Variants in SELENOI observed in about 807,000 individuals in gnomAD.
The protein encoded by SELENOI is ethanolaminephosphotransferase 1.
In SELENOI, 24 loss-of-function variants were observed where a neutral mutation model predicts 50.7. The ratio of observed to expected loss-of-function variants is 0.47; its 90% CI spans 0.34 to 0.67. SELENOI has a LOEUF of 0.67. Among genes scored for constraint, SELENOI ranks in the 30% least tolerant of loss-of-function variants. SELENOI has a pLI of 0.01. For missense variants in SELENOI, 352 were observed against 461.4 expected (o/e 0.76, Z 2.17); for synonymous variants, 155 against 170.2 (o/e 0.91, Z 0.70).
intron 1 of SELENOI, among the ~76,000 whole-genome samples, chr2:26,356,502 T>C (rs546999043): frequency 6.6e-6 from 1 of 152,330 alleles, no homozygotes. Flanking sequence ...ATAGTTTTCC[T>C]TATGTTAGAG....
At chr2:26,372,098 T>A (rs1396539257) in intron 4 of SELENOI, among the ~76,000 whole-genome samples, 1 of 152,172 alleles carries the variant, frequency 6.6e-6, no homozygotes, top group Non-Finnish European at 1.5e-5. Flanking sequence ...ACCTTTATTA[T>A]CATGTTTTGT....
Position 26,373,529 on chromosome 2 carries a change from T to G in SELENOI, c.473T>G (p.Leu158Arg), listed in dbSNP as rs752797434. The G allele has an allele frequency of 6.2e-7, 1 of 1,614,016 alleles. No individual in the cohort carries two copies. The highest frequency in any genetic ancestry group is 8.5e-7 in the Non-Finnish European group (1 of 1,179,884). The change falls in exon 5 of 10, where the codon CTC becomes CGC. Residue 158 changes from leucine (L) to arginine (R), a missense_variant. Transcript: ENST00000260585. ...STGVSVFVLY[L>R]LLWVVLFSFI... is the part of the protein sequence containing the mutation. ...GGTGTCAGTGTTTTTGTTCTTTATC[T>G]CCTGCTATGGGTAGTTTTGTTTTCT...
chr2:26,361,688 C>G (rs1558413601), intron 1 of SELENOI, among the ~76,000 whole-genome samples: 1 of 151,074 alleles, frequency 6.6e-6, no homozygotes, highest in African/African-American at 2.4e-5. Flanking sequence ...GAGTCTCACT[C>G]TGTAGTCTAG....
At chr2:26,371,656 G>A (rs1302655679) in intron 4 of SELENOI, among the ~76,000 whole-genome samples, 5 of 152,256 alleles carry the variant, frequency 3.3e-5, no homozygotes, top group Non-Finnish European at 7.3e-5. Flanking sequence ...GTTAGGAGCT[G>A]GAGACCAGCC....
In SELENOI at chr2:26,395,797, A is replaced by C. The variant is rs528740147; in HGVS notation, c.*6694A>C. 5.9e-5 allele frequency: 9 copies of C among 152,764 alleles called. 1 individual carries two copies. The South Asian group carries it at 1.7e-3, about 28-fold the overall frequency. The allele number at this position is 152,764 out of a possible 1,614,324, so 9.5% of individuals were successfully genotyped here. A position where few individuals can be genotyped will look rare whatever the true frequency, so the allele number is the denominator to read the frequency against. On this transcript the variant is annotated 3_prime_UTR_variant, in exon 10 of 10. Transcript: ENST00000260585. ...CTGCTGTGAAACCCCAAAGTAATGC[A>C]GTAGGTTTTAATTGAAAATTGTTTA...
chr2:26,367,736 G>A (rs1444637679), intron 4 of SELENOI, among the ~76,000 whole-genome samples: 1 of 152,176 alleles, frequency 6.6e-6, no homozygotes, highest in Non-Finnish European at 1.5e-5. Context: ...AAACAAATAA[G>A]GAAGTGATCA....
chr2:26,359,147 A>G (rs1677123947), intron 1 of SELENOI, among the ~76,000 whole-genome samples: 1 of 152,180 alleles, frequency 6.6e-6, no homozygotes, highest in Non-Finnish European at 1.5e-5. Flanking sequence ...ATTTGTTGCA[A>G]AGACCATATG....
intron 6 of SELENOI, among the ~76,000 whole-genome samples, chr2:26,378,446 C>T (rs76612558): frequency 0.01 from 1,588 of 152,326 alleles, 36 homozygotes; most frequent in African/African-American, 0.036. Context: ...AGCATCCACC[C>T]AGGAATCTGG....
At position 26,395,715 on chromosome 2, in the gene SELENOI, T is replaced by C. The variant is rs1678075820; in HGVS notation, c.*6612T>C. 1 of 152,678 alleles carries C rather than the reference T, an allele frequency of 6.5e-6. No individual in the cohort carries two copies. Among genetic ancestry groups the C allele is most frequent in the South Asian group, 2.1e-4 (1 of 4,834 alleles). The allele number at this position is 152,678 out of a possible 1,614,324, so 9.5% of individuals were successfully genotyped here. A position where few individuals can be genotyped will look rare whatever the true frequency, so the allele number is the denominator to read the frequency against. On this transcript the variant is annotated 3_prime_UTR_variant, in exon 10 of 10. Transcript: ENST00000260585. ...CCCGAATAATCAAGACCAGACTGTT[T>C]CTTGTCACTGGATTCTGGAAGCCTT...
intron 1 of SELENOI, among the ~76,000 whole-genome samples, chr2:26,363,568 G>T (rs185484112): frequency 3.3e-5 from 5 of 152,128 alleles, no homozygotes; most frequent in Non-Finnish European, 5.9e-5. Context: ...TTATCTTGGC[G>T]ATTTGGACTC....
intron 1 of SELENOI, among the ~76,000 whole-genome samples, chr2:26,362,762 GAAAA>G (rs1056576849): frequency 1.4e-5 from 2 of 144,234 alleles, no homozygotes; most frequent in African/African-American, 5.1e-5. Flanking sequence ...TCAAAAAAAA[GAAAA>G]AAAAAAGAAA....
At chr2:26,356,885 T>G (rs1677075147) in intron 1 of SELENOI, among the ~76,000 whole-genome samples, 1 of 152,172 alleles carries the variant, frequency 6.6e-6, no homozygotes, top group African/African-American at 2.4e-5. Flanking sequence ...ATACTTCTGT[T>G]GGTGGTCTTT....
In SELENOI at chr2:26,393,323, C is replaced by T. The variant is rs148320558; in HGVS notation, c.*4220C>T. ...GAATAAATGTAACTTTTTAAGCCTG[C>T]ATGCTAGTAATATGCTTTGCTCTTT... is the stretch of plus-strand genomic sequence containing the variant. On this transcript the variant is annotated 3_prime_UTR_variant, in exon 10 of 10. Coordinates refer to ENST00000260585, the MANE Select transcript of SELENOI (RefSeq NM_033505.4). 1.3e-5 allele frequency: 2 copies of T among 152,730 alleles called. No homozygotes were observed. The highest frequency in any genetic ancestry group is 2.9e-5 in the Non-Finnish European group (2 of 68,016). The allele number at this position is 152,730 out of a possible 1,614,324, so 9.5% of individuals were successfully genotyped here.
chr2:26,371,105 C>T (rs1427499489), intron 4 of SELENOI, among the ~76,000 whole-genome samples: 2 of 145,016 alleles, frequency 1.4e-5, no homozygotes, highest in Non-Finnish European at 3.0e-5. Context: ...GGGCCAGGGG[C>T]TGACCCCCCC....
intron 1 of SELENOI, among the ~76,000 whole-genome samples, chr2:26,352,857 A>T (rs1372696018): frequency 6.6e-6 from 1 of 151,952 alleles, no homozygotes; most frequent in South Asian, 2.1e-4. Context: ...AAAAAAAAAA[A>T]AACCAGAATA....
At position 26,348,758 on chromosome 2, in the gene SELENOI, A is replaced by G. The variant is rs1676879220; in HGVS notation, c.57+2469A>G. Among the ~76,000 whole-genome samples, 3 of 151,618 alleles carry G rather than the reference A, an allele frequency of 2.0e-5. No individual in the cohort carries two copies. In the South Asian group the frequency reaches 6.2e-4, roughly 31 times the overall value. ...CAGTACCATGAACAGAGTAAGTGCTAAACAAATATTGAAGGAATGAGAATG... is the reference window on the plus strand; with the variant it reads ...CAGTACCATGAACAGAGTAAGTGCTGAACAAATATTGAAGGAATGAGAATG... On this transcript the variant is annotated intron_variant, in intron 1 of 9. Coordinates refer to ENST00000260585, the MANE Select transcript of SELENOI (RefSeq NM_033505.4).
At chr2:26,365,856 C>G (rs1406140562) in intron 3 of SELENOI, among the ~76,000 whole-genome samples, 1 of 136,098 alleles carries the variant, frequency 7.3e-6, no homozygotes, top group Non-Finnish European at 1.5e-5. Context: ...GGCTGGAGTA[C>G]AATGATGCCA....
Position 26,375,078 on chromosome 2 carries a change from A to G in SELENOI, c.612A>G (p.Gly204=). The stretch of plus-strand genomic sequence containing the variant: ...TCTACATAGTGACTGCAGTTGTGGG[A>G]GTTGAGGCCTGGTATGAACCTTTCC... ...SFVYIVTAVV[G]VEAWYEPFLF... The change falls in exon 6 of 10, where the codon GGA becomes GGG. Residue 204 remains glycine, a synonymous_variant. Transcript: ENST00000260585. 1 of 1,613,384 alleles carries G rather than the reference A, an allele frequency of 6.2e-7. No homozygotes were observed. Among genetic ancestry groups the G allele is most frequent in the Non-Finnish European group, 8.5e-7 (1 of 1,179,474 alleles).
At chr2:26,384,899 C>A in intron 7 of SELENOI, 60 bp from the exon 8 acceptor site, 1 of 1,250,688 alleles carries the variant, frequency 8.0e-7, no homozygotes, top group Non-Finnish European at 1.1e-6. Context: ...AACTACAGTA[C>A]AAGTACTGTA....
Sources: gnomAD v4.1 joint callset for allele counts (sites outside exome capture counted in the v4.1 genomes callset) on GRCh38, gnomAD v4.1.1 for gene constraint, MANE v1.5 for transcripts, NCBI Gene and HGNC (gene_info 2026-07-23, HGNC 2026-07-21) for gene names.